Variants in ULK4 observed in about 807,000 individuals in gnomAD.
ULK4 encodes inactive serine/threonine-protein kinase ULK4.
In ULK4, 133 loss-of-function variants were observed where a neutral mutation model predicts 160.6. The observed-to-expected ratio is 0.83, with a 90% CI of 0.72 to 0.96. ULK4 has a LOEUF of 0.96. Among genes scored for constraint, ULK4 ranks in the 40% least tolerant of loss-of-function variants. The probability of loss-of-function intolerance (pLI) is 0.00; values close to 1 mark genes in which losing one functional copy is unlikely to be tolerated. For missense variants in ULK4, 1,580 were observed against 1,499.5 expected (o/e 1.05, Z -0.89); for synonymous variants, 534 against 539.8 (o/e 0.99, Z 0.15).
Position 41,819,488 on chromosome 3 carries a change from G to C in ULK4, c.1783C>G (p.Pro595Ala), listed in dbSNP as rs751629337. ...AAGGGAACAGCCCAGCACTCTCTAG[G>C]GTTCTTTTTTTTTTCTTCCTAAAAT... The part of the protein sequence containing the change: ...VATQEEKKKN[P>A]RECWAVPLAA... Residue 595 changes from proline to alanine, a missense_variant, in exon 19 of 37, where the codon CCT (proline) becomes GCT (alanine). Physicochemically the swap from Pro to Ala is conservative, Grantham distance 27 (BLOSUM62 -1). Transcript: ENST00000301831. 1 of 1,607,742 alleles carries C rather than the reference G, an allele frequency of 6.2e-7. No individual in the cohort carries two copies. Among genetic ancestry groups the C allele is most frequent in the African/African-American group, 1.4e-5 (1 of 71,944 alleles).
chr3:41,546,036 T>C (rs2086850161), intron 32 of ULK4, among the ~76,000 whole-genome samples: 1 of 152,202 alleles, frequency 6.6e-6, no homozygotes, highest in African/African-American at 2.4e-5. Context: ...TTTGTAATAG[T>C]TTTTTCAAAA....
At chr3:41,491,126 A>G (rs540248195) in intron 32 of ULK4, among the ~76,000 whole-genome samples, 1 of 152,316 alleles carries the variant, frequency 6.6e-6, no homozygotes, top group South Asian at 2.1e-4. Context: ...TTAAAACACT[A>G]TTGAGGGACA....
chr3:41,464,906 A>C (rs569572742), intron 32 of ULK4, among the ~76,000 whole-genome samples: 1 of 152,320 alleles, frequency 6.6e-6, no homozygotes, highest in African/African-American at 2.4e-5. Flanking sequence ...AACTTCATTC[A>C]GTCTTCAAGG....
chr3:41,377,336 C>A (rs1009755177), intron 35 of ULK4, among the ~76,000 whole-genome samples: 1 of 151,852 alleles, frequency 6.6e-6, no homozygotes, highest in Non-Finnish European at 1.5e-5. Flanking sequence ...GTCTAAAACA[C>A]CAAAAGCAAT....
chr3:41,591,450 G>T (rs887383856), intron 31 of ULK4, among the ~76,000 whole-genome samples: 2 of 151,554 alleles, frequency 1.3e-5, no homozygotes, highest in Non-Finnish European at 2.9e-5. Flanking sequence ...AAGAAGAATT[G>T]TCTGGGGCCA....
At chr3:41,801,469 A>G (rs927316942) in intron 19 of ULK4, among the ~76,000 whole-genome samples, 2 of 152,036 alleles carry the variant, frequency 1.3e-5, no homozygotes, top group Non-Finnish European at 2.9e-5. Flanking sequence ...CAGAAGCTCA[A>G]TGAGCCCTAC....
chr3:41,614,676 T>C (rs997884426), intron 31 of ULK4, among the ~76,000 whole-genome samples: 15 of 152,276 alleles, frequency 9.9e-5, no homozygotes, highest in African/African-American at 3.4e-4. Context: ...CTACTCCCCA[T>C]GCAATGCAAA....
intron 17 of ULK4, among the ~76,000 whole-genome samples, chr3:41,842,904 G>T (rs2041970791): frequency 6.6e-6 from 1 of 152,296 alleles, no homozygotes; most frequent in South Asian, 2.1e-4. Context: ...TGACAAAGGT[G>T]CAAAGGCAGT....
At chr3:41,442,157 T>G (rs2083186121) in intron 34 of ULK4, among the ~76,000 whole-genome samples, 1 of 152,174 alleles carries the variant, frequency 6.6e-6, no homozygotes, top group African/African-American at 2.4e-5. Context: ...AGTGGACTGT[T>G]AGCTGATGGG....
At chr3:41,911,983 TC>T (rs2148803926) in intron 9 of ULK4, among the ~76,000 whole-genome samples, 1 of 151,912 alleles carries the variant, frequency 6.6e-6, no homozygotes, top group South Asian at 2.1e-4. Flanking sequence ...TGAGACCTTG[TC>T]TCTACTTTTT....
intron 2 of ULK4, among the ~76,000 whole-genome samples, chr3:41,953,960 G>A (rs1700391946): frequency 6.6e-6 from 1 of 152,004 alleles, no homozygotes; most frequent in Admixed American, 6.6e-5. Context: ...AAGGTGGGCG[G>A]ATCACAAGGT....
At chr3:41,361,627 T>A (rs1267512378) in intron 35 of ULK4, among the ~76,000 whole-genome samples, 2 of 152,240 alleles carry the variant, frequency 1.3e-5, no homozygotes, top group Non-Finnish European at 2.9e-5. Context: ...CATATCCCGA[T>A]GTGACTGACT....
chr3:41,771,614 TGC>T (rs1178529955), intron 21 of ULK4, among the ~76,000 whole-genome samples: 3 of 143,888 alleles, frequency 2.1e-5, no homozygotes, highest in African/African-American at 6.0e-5. Context: ...TCATACTGTG[TGC>T]GAGTAAAAGC....
rs201101889 is a variant in ULK4 at position 41,644,317 on chromosome 3, T to C, written c.3071+19290A>G. ...CAGTTTTTGCCCATTCAGTATGATA[T>C]TGGCTGTGGGTTTGTCATAGATAGC... On this transcript the variant is annotated intron_variant, in intron 30 of 36. Transcript: ENST00000301831. Among the ~76,000 whole-genome samples the C allele has an allele frequency of 3.8e-3, 572 of 151,702 alleles. 4 individuals carry two copies. The East Asian group carries it at 0.045, about 12-fold the overall frequency.
intron 1 of ULK4, among the ~76,000 whole-genome samples, chr3:41,957,791 T>C (rs1030013940): frequency 1.4e-4 from 21 of 152,126 alleles, no homozygotes; most frequent in African/African-American, 4.8e-4. Flanking sequence ...TCCACCACTT[T>C]GGGAGGCCAA....
At chr3:41,771,583 T>C (rs1323597149) in intron 21 of ULK4, among the ~76,000 whole-genome samples, 4 of 152,064 alleles carry the variant, frequency 2.6e-5, no homozygotes, top group African/African-American at 7.3e-5. Context: ...TGTGAGATGT[T>C]ACAATGCTTT....
At chr3:41,308,051 A>G (rs1216368185) in intron 35 of ULK4, among the ~76,000 whole-genome samples, 1 of 152,134 alleles carries the variant, frequency 6.6e-6, no homozygotes, top group Non-Finnish European at 1.5e-5. Context: ...AACAGAGTAG[A>G]GATTATCCCT....
chr3:41,412,905 C>T (rs908412266), intron 34 of ULK4, among the ~76,000 whole-genome samples: 5 of 152,098 alleles, frequency 3.3e-5, no homozygotes, highest in African/African-American at 1.2e-4. Flanking sequence ...CAAAGCCATA[C>T]ACTTTTACCT....
chr3:41,505,326 A>G (rs1200883258), intron 32 of ULK4, among the ~76,000 whole-genome samples: 2 of 152,136 alleles, frequency 1.3e-5, no homozygotes, highest in Non-Finnish European at 2.9e-5. Context: ...TACTAACATC[A>G]AAGATTAATT....
Sources: allele counts gnomAD v4.1 joint callset (sites outside exome capture counted in the v4.1 genomes callset), GRCh38; gene constraint gnomAD v4.1.1; transcripts MANE v1.5; gene names NCBI Gene and HGNC (gene_info 2026-07-23, HGNC 2026-07-21).